Variants in TEKT5 observed in about 807,000 individuals in gnomAD.
TEKT5 encodes the protein tektin-5.
TEKT5 carries 52 observed loss-of-function variants against 48.7 expected under a neutral mutation model. That is an observed-to-expected ratio of 1.07 (90% CI 0.86 to 1.35). The LOEUF (loss-of-function observed/expected upper bound fraction) is 1.35. Ranked by LOEUF, TEKT5 falls within the 40% of genes most tolerant of loss-of-function variation. TEKT5 has a pLI of 0.00. For synonymous variants in TEKT5, 318 were observed against 267.6 expected (o/e 1.19, Z -1.84); for missense variants, 831 against 641.6 (o/e 1.30, Z -3.19).
At chr16:10,654,345 C>T (rs894767963) in intron 5 of TEKT5, among the ~76,000 whole-genome samples, 3 of 152,142 alleles carry the variant, frequency 2.0e-5, no homozygotes, top group Admixed American at 6.6e-5. Context: ...GCCACTGCAC[C>T]CAGCCAGTGG....
rs145995713 is a variant in TEKT5, at chr16:10,694,767, T to C, written c.107A>G (p.Tyr36Cys). The stretch of plus-strand genomic sequence containing the variant: ...GTACCCGGGCAGGTAGTAGGGCTGA[T>C]AGCATTCCTGGATCACTGGCGCCTG... ...AVQAPVIQEC[Y>C]QPYYLPGYRY... Residue 36 changes from tyrosine to cysteine, a missense_variant, in exon 1 of 7, where the codon TAT becomes TGT. Physicochemically the swap from Tyr to Cys is radical, Grantham distance 194. Transcript: ENST00000283025. The C allele has an allele frequency of 6.9e-3, 11,201 of 1,614,006 alleles. 50 individuals carry two copies. Among genetic ancestry groups the C allele is most frequent in the Middle Eastern group, 9.1e-3 (55 of 6,062 alleles).
At chr16:10,668,528 G>A (rs907706923) in intron 5 of TEKT5, among the ~76,000 whole-genome samples, 10 of 152,166 alleles carry the variant, frequency 6.6e-5, no homozygotes, top group African/African-American at 2.4e-4. Flanking sequence ...TGCACAATGG[G>A]TTCCAGACCT....
chr16:10,630,761 G>A (rs1308841160), intron 6 of TEKT5, among the ~76,000 whole-genome samples: 4 of 152,194 alleles, frequency 2.6e-5, no homozygotes, highest in Admixed American at 1.3e-4. Flanking sequence ...ACTCACACTT[G>A]TAATCCCAGC....
At chr16:10,633,596 G>T (rs538070998) in intron 6 of TEKT5, among the ~76,000 whole-genome samples, 1 of 152,228 alleles carries the variant, frequency 6.6e-6, no homozygotes, top group African/African-American at 2.4e-5. Context: ...AGGATGGAGT[G>T]CAATGGCGCA....
intron 6 of TEKT5, among the ~76,000 whole-genome samples, chr16:10,633,790 C>G (rs895118633): frequency 1.8e-4 from 28 of 152,158 alleles, no homozygotes; most frequent in African/African-American, 5.6e-4. Flanking sequence ...AAGTGATCCT[C>G]CTGCCTCGGC....
intron 5 of TEKT5, among the ~76,000 whole-genome samples, chr16:10,666,491 C>A (rs1230697410): frequency 6.6e-6 from 1 of 152,212 alleles, no homozygotes; most frequent in African/African-American, 2.4e-5. Context: ...GCCAGCAGCA[C>A]CCCCTCACCA....
At chr16:10,672,789 C>T (rs1898570308) in intron 5 of TEKT5, among the ~76,000 whole-genome samples, 1 of 152,034 alleles carries the variant, frequency 6.6e-6, no homozygotes, top group Non-Finnish European at 1.5e-5. Context: ...TGTGCCCGCA[C>T]TCCTTCAGGT....
At chr16:10,630,023 C>G (rs1897815155) in intron 6 of TEKT5, among the ~76,000 whole-genome samples, 1 of 151,934 alleles carries the variant, frequency 6.6e-6, no homozygotes, top group South Asian at 2.1e-4. Flanking sequence ...GCAGCCTCAA[C>G]TTCCTTGGCT....
At chr16:10,665,036 C>G (rs1898435288) in intron 5 of TEKT5, among the ~76,000 whole-genome samples, 1 of 152,152 alleles carries the variant, frequency 6.6e-6, no homozygotes, top group South Asian at 2.1e-4. Flanking sequence ...GAAATGAGCC[C>G]AGCACTCTGC....
At chr16:10,634,896 T>C (rs547175607) in intron 6 of TEKT5, among the ~76,000 whole-genome samples, 5 of 152,246 alleles carry the variant, frequency 3.3e-5, no homozygotes, top group East Asian at 3.9e-4. Context: ...GACAGCTTGA[T>C]TGCAACCTGC....
intron 5 of TEKT5, among the ~76,000 whole-genome samples, chr16:10,649,998 C>G (rs532021697): frequency 1.1e-4 from 16 of 152,248 alleles, no homozygotes; most frequent in Admixed American, 2.6e-4. Flanking sequence ...TCCACCACCC[C>G]CAACCCCGTT....
chr16:10,637,461 G>A (rs1296351473), intron 5 of TEKT5, among the ~76,000 whole-genome samples: 1 of 150,680 alleles, frequency 6.6e-6, no homozygotes, highest in African/African-American at 2.5e-5. Flanking sequence ...GAGGAGGGGA[G>A]AGGGGAGAGG....
At chr16:10,687,678 G>T (rs895338420) in intron 3 of TEKT5, among the ~76,000 whole-genome samples, 1 of 152,266 alleles carries the variant, frequency 6.6e-6, no homozygotes, top group African/African-American at 2.4e-5. Flanking sequence ...GCATGAATCT[G>T]GGAGGTGGAG....
At chr16:10,682,960 G>A (rs981132532) in intron 3 of TEKT5, among the ~76,000 whole-genome samples, 1 of 152,162 alleles carries the variant, frequency 6.6e-6, no homozygotes, top group Non-Finnish European at 1.5e-5. Context: ...GGGATGAGAC[G>A]CAAATAAGAC....
chr16:10,636,025 T>G (rs1897908716), intron 5 of TEKT5, 107 bp from the exon 6 acceptor site: 1 of 1,499,738 alleles, frequency 6.7e-7, no homozygotes, highest in East Asian at 2.3e-5. Flanking sequence ...GCCAGGCACT[T>G]AAGATACTCC....
chr16:10,682,030 T>C lies in TEKT5; in HGVS notation c.826A>G (p.Ile276Val). 12 of 1,614,216 alleles carry C rather than the reference T, an allele frequency of 7.4e-6. No homozygotes were observed. Among genetic ancestry groups the C allele is most frequent in the Non-Finnish European group, 1.0e-5 (12 of 1,180,022 alleles). ...CFNLRNTSDC[I>V]SFFHGMEKID... ...TTCTCCATGCCGTGGAAGAAGCTGA[T>C]GCAGTCTGACGTATTTCTCAGGTTA... Residue 276 changes from isoleucine to valine, a missense_variant, in exon 4 of 7, where the codon ATC (isoleucine) becomes GTC (valine). Ile to Val is a conservative substitution (Grantham distance 29). Transcript: ENST00000283025.
intron 6 of TEKT5, among the ~76,000 whole-genome samples, chr16:10,632,308 T>C (rs1475810995): frequency 2.7e-5 from 4 of 150,402 alleles, no homozygotes; most frequent in African/African-American, 9.8e-5. Context: ...CAGTTTATGG[T>C]TTTTTTTTTG....
chr16:10,641,769 C>A (rs1358948116), intron 5 of TEKT5, among the ~76,000 whole-genome samples: 3 of 152,196 alleles, frequency 2.0e-5, no homozygotes, highest in Non-Finnish European at 4.4e-5. Flanking sequence ...CTGCAGTGAA[C>A]TGAGATCACG....
chr16:10,663,078 AG>A (rs776801114), intron 5 of TEKT5, among the ~76,000 whole-genome samples: 1 of 152,148 alleles, frequency 6.6e-6, no homozygotes, highest in Non-Finnish European at 1.5e-5. Flanking sequence ...GAATGTGGAA[AG>A]GGTTGAGGTC....
Sources: allele counts gnomAD v4.1 joint callset (sites outside exome capture counted in the v4.1 genomes callset), GRCh38; gene constraint gnomAD v4.1.1; transcripts MANE v1.5; gene names NCBI Gene and HGNC (gene_info 2026-07-23, HGNC 2026-07-21).